DYM: variants seen among roughly 807,000 people sequenced by gnomAD.
DYM encodes dymeclin.
In DYM, 78 loss-of-function variants were observed where a neutral mutation model predicts 93.1. The ratio of observed to expected loss-of-function variants is 0.84; its 90% CI spans 0.70 to 1.01. The LOEUF is 1.01. Among genes scored for constraint, DYM ranks in the 50% least tolerant of loss-of-function variants. The pLI, the probability that DYM is intolerant of heterozygous loss-of-function variation, is 0.00. For missense variants in DYM, 789 were observed against 845.0 expected (o/e 0.93, Z 0.82); for synonymous variants, 321 against 319.7 (o/e 1.00, Z -0.04).
At chr18:49,122,281 A>G (rs1372119180) in intron 15 of DYM, among the ~76,000 whole-genome samples, 1 of 152,208 alleles carries the variant, frequency 6.6e-6, no homozygotes, top group Non-Finnish European at 1.5e-5. Context: ...GGTGATGACA[A>G]TACACTTAAA....
At chr18:49,141,868 T>G (rs2084535626) in intron 15 of DYM, among the ~76,000 whole-genome samples, 1 of 152,130 alleles carries the variant, frequency 6.6e-6, no homozygotes, top group Non-Finnish European at 1.5e-5. Context: ...TTCTTTTTTT[T>G]GTTGAGATGG....
chr18:49,065,365 A>G (rs2076308152), intron 17 of DYM, among the ~76,000 whole-genome samples: 1 of 152,108 alleles, frequency 6.6e-6, no homozygotes, highest in African/African-American at 2.4e-5. Context: ...TGAAACAGTT[A>G]ATTTTTTTCT....
chr18:49,124,079 T>C (rs2082612085), intron 15 of DYM, among the ~76,000 whole-genome samples: 1 of 152,190 alleles, frequency 6.6e-6, no homozygotes, highest in East Asian at 1.9e-4. Flanking sequence ...GAGTTTGTTC[T>C]CAATGTTTAA....
At chr18:49,269,768 G>A (rs2094644872) in intron 11 of DYM, among the ~76,000 whole-genome samples, 1 of 152,094 alleles carries the variant, frequency 6.6e-6, no homozygotes, top group African/African-American at 2.4e-5. Flanking sequence ...AGTAAGCTAA[G>A]GGTAATTGAT....
chr18:49,145,123 AT>A (rs1568490370), intron 15 of DYM, among the ~76,000 whole-genome samples: 2,111 of 111,352 alleles, frequency 0.019, 230 homozygotes, highest in African/African-American at 0.061. Flanking sequence ...ATATATATAT[AT>A]ATATATATAT....
At chr18:49,428,219 G>T (rs1028823527) in intron 2 of DYM, among the ~76,000 whole-genome samples, 10 of 151,238 alleles carry the variant, frequency 6.6e-5, no homozygotes, top group Middle Eastern at 3.4e-3. Context: ...GCACTTTGGG[G>T]TGCTGAGGAT....
chr18:49,142,765 G>T (rs968681961), intron 15 of DYM, among the ~76,000 whole-genome samples: 1 of 152,084 alleles, frequency 6.6e-6, no homozygotes, highest in Non-Finnish European at 1.5e-5. Flanking sequence ...TTAACCCTGG[G>T]CATCACTTAC....
At chr18:49,063,830 T>C (rs949162555) in intron 17 of DYM, among the ~76,000 whole-genome samples, 43 of 152,196 alleles carry the variant, frequency 2.8e-4, no homozygotes, top group Admixed American at 5.9e-4. Context: ...GGTTCTGCCA[T>C]GTTGACCAGG....
intron 2 of DYM, among the ~76,000 whole-genome samples, chr18:49,412,237 A>T (rs2072332581): frequency 5.0e-5 from 1 of 20,160 alleles, no homozygotes; most frequent in East Asian, 7.8e-4. Flanking sequence ...ACATTGACTT[A>T]AAAAAAAAAA....
At chr18:49,445,392 T>C (rs1475291619) in intron 1 of DYM, among the ~76,000 whole-genome samples, 1 of 152,076 alleles carries the variant, frequency 6.6e-6, no homozygotes, top group Non-Finnish European at 1.5e-5. Context: ...AACCGTTTCA[T>C]ATTGCTTCAT....
At chr18:49,270,405 G>A (rs948138968) in intron 11 of DYM, among the ~76,000 whole-genome samples, 15 of 152,164 alleles carry the variant, frequency 9.9e-5, no homozygotes, top group African/African-American at 3.1e-4. Flanking sequence ...ACAGATAGAG[G>A]ATATTACAAT....
chr18:49,310,183 A>C (rs949567786), intron 8 of DYM, among the ~76,000 whole-genome samples: 1 of 152,232 alleles, frequency 6.6e-6, no homozygotes, highest in African/African-American at 2.4e-5. Context: ...TTGTAATGGC[A>C]GTTTTATTAT....
chr18:49,080,672 G>GC (rs2077866027), intron 17 of DYM, among the ~76,000 whole-genome samples: 2 of 146,796 alleles, frequency 1.4e-5, no homozygotes, highest in African/African-American at 2.5e-5. Flanking sequence ...GGACGGGGCG[G>GC]CTGCCGGGCA....
intron 17 of DYM, among the ~76,000 whole-genome samples, chr18:49,057,504 A>G (rs2075602692): frequency 6.6e-6 from 1 of 152,176 alleles, no homozygotes; most frequent in Admixed American, 6.5e-5. Context: ...CTTGCCCCAT[A>G]TGTTAACTGG....
At chr18:49,214,700 CCAG>C (rs1175928180) in intron 13 of DYM, among the ~76,000 whole-genome samples, 1 of 152,052 alleles carries the variant, frequency 6.6e-6, no homozygotes, top group Non-Finnish European at 1.5e-5. Flanking sequence ...AAACAAATAC[CCAG>C]CAGAACTACA....
chr18:49,255,835 C>A (rs1337561479), intron 13 of DYM, among the ~76,000 whole-genome samples: 1 of 152,074 alleles, frequency 6.6e-6, no homozygotes, highest in Non-Finnish European at 1.5e-5. Context: ...AAAAGCCCTG[C>A]AATGATATTC....
intron 1 of DYM, among the ~76,000 whole-genome samples, chr18:49,453,440 A>T (rs2082704116): frequency 6.6e-6 from 1 of 152,118 alleles, no homozygotes; most frequent in Admixed American, 6.6e-5. Context: ...GAGCTGTAAC[A>T]CTCACTGCGA....
chr18:49,292,830 CTTA>C (rs562734207), intron 8 of DYM, among the ~76,000 whole-genome samples: 2 of 151,694 alleles, frequency 1.3e-5, no homozygotes, highest in African/African-American at 2.4e-5. Flanking sequence ...AGTTTTTTGT[CTTA>C]TTATTATTAT....
At chr18:49,364,313 C>T (rs528545972) in intron 5 of DYM, among the ~76,000 whole-genome samples, 8 of 152,126 alleles carry the variant, frequency 5.3e-5, no homozygotes, top group Admixed American at 1.3e-4. Context: ...AGCATGGTGG[C>T]GCACGCCTGT....
Sources: allele counts gnomAD v4.1 joint callset (sites outside exome capture counted in the v4.1 genomes callset), GRCh38; gene constraint gnomAD v4.1.1; transcripts MANE v1.5; gene names NCBI Gene and HGNC (gene_info 2026-07-23, HGNC 2026-07-21).